Variants in SLC2A9 observed in about 807,000 individuals in gnomAD.
SLC2A9 encodes the protein solute carrier family 2 member 9.
Under a neutral mutation model 50.6 loss-of-function variants are expected in SLC2A9, and 39 were observed. That is an observed-to-expected ratio of 0.77 (90% CI 0.60 to 1.01). SLC2A9 has a LOEUF of 1.01. Among genes scored for constraint, SLC2A9 ranks in the 50% least tolerant of loss-of-function variants. The probability of loss-of-function intolerance (pLI) is 0.00; values close to 1 mark genes in which losing one functional copy is unlikely to be tolerated. For missense variants in SLC2A9, 686 were observed against 677.6 expected (o/e 1.01, Z -0.14); for synonymous variants, 324 against 276.9 (o/e 1.17, Z -1.69).
intron 5 of SLC2A9, among the ~76,000 whole-genome samples, chr4:9,963,789 C>T (rs1752653122): frequency 6.6e-6 from 1 of 152,128 alleles, no homozygotes; most frequent in African/African-American, 2.4e-5. Flanking sequence ...ACAGTGGGAT[C>T]CTCTACCTTT....
At chr4:9,777,544 A>C (rs1296437264), downstream of SLC2A9, among the ~76,000 whole-genome samples, 2 of 25,734 alleles carry the variant, frequency 7.8e-5, no homozygotes, top group South Asian at 1.4e-3. Context: ...ATCTGAAAAC[A>C]AATGTCAGTG....
upstream of SLC2A9, among the ~76,000 whole-genome samples, chr4:10,022,701 T>G (rs551641568): frequency 8.5e-5 from 13 of 152,218 alleles, no homozygotes; most frequent in Admixed American, 7.2e-4. Flanking sequence ...CAAAGTACGT[T>G]TAGTAAAAAG....
At chr4:9,821,325 A>G (rs537132299), downstream of SLC2A9, among the ~76,000 whole-genome samples, 2 of 152,344 alleles carry the variant, frequency 1.3e-5, no homozygotes, top group East Asian at 3.9e-4. Context: ...ACTTGCTAAT[A>G]TTTGATAAGG....
rs565191173 is a variant in SLC2A9 at position 9,900,147 on chromosome 4, C to T, written c.1113+8088G>A. Among the ~76,000 whole-genome samples, 18 of 152,306 alleles carry T rather than the reference C, an allele frequency of 1.2e-4. No homozygotes were observed. In the South Asian group the frequency reaches 3.3e-3, roughly 28 times the overall value. On this transcript the variant is annotated intron_variant, in intron 8 of 11. Transcript: ENST00000264784. ...GTCAGGGCTTCCATAGCAGGAGCAT[C>T]GAGTTGGCAGAGGGCAGTGGGCAGT...
intron 3 of SLC2A9, among the ~76,000 whole-genome samples, chr4:9,792,347 T>G (rs1227262828): frequency 1.3e-5 from 2 of 150,842 alleles, no homozygotes; most frequent in African/African-American, 2.4e-5. Context: ...TGGATAGTTT[T>G]TTTTTTTTTT....
At chr4:10,019,792 G>T (rs963295004) in intron 1 of SLC2A9, among the ~76,000 whole-genome samples, 3 of 152,282 alleles carry the variant, frequency 2.0e-5, no homozygotes, top group Admixed American at 2.0e-4. Context: ...AGAGATGCAA[G>T]GTTTGGCACA....
At chr4:9,782,454 T>C in intron 3 of SLC2A9, 1 of 1,613,960 alleles carries the variant, frequency 6.2e-7, no homozygotes, top group South Asian at 1.1e-5. Flanking sequence ...TACTGGGCCA[T>C]CTCCAGGCCC....
chr4:9,850,765 C>G (rs1577524791), intron 10 of SLC2A9, among the ~76,000 whole-genome samples: 1 of 152,230 alleles, frequency 6.6e-6, no homozygotes, highest in East Asian at 1.9e-4. Context: ...GACCTTGCCT[C>G]CCTCTCTTCC....
chr4:9,991,420 G>A (rs761745397), intron 3 of SLC2A9, among the ~76,000 whole-genome samples: 3 of 152,068 alleles, frequency 2.0e-5, no homozygotes, highest in Non-Finnish European at 2.9e-5. Context: ...AACCTCGCTC[G>A]GGCCAAGGAG....
chr4:10,016,125 A>G (rs2109493794), intron 2 of SLC2A9, among the ~76,000 whole-genome samples: 1 of 152,370 alleles, frequency 6.6e-6, no homozygotes, highest in Middle Eastern at 3.4e-3. Context: ...GCGCCTTGTG[A>G]TGTCTCAAGA....
chr4:9,925,790 G>C (rs1479346274), intron 6 of SLC2A9, among the ~76,000 whole-genome samples: 2 of 152,148 alleles, frequency 1.3e-5, no homozygotes, highest in East Asian at 3.9e-4. Context: ...ACACAGAAGC[G>C]GGGGAGGGCT....
chr4:10,018,340 T>C (rs1312744603), intron 2 of SLC2A9, among the ~76,000 whole-genome samples: 1 of 152,032 alleles, frequency 6.6e-6, no homozygotes, highest in Admixed American at 6.6e-5. Context: ...AGGCTGGGAG[T>C]TCCAGACCAG....
intron 3 of SLC2A9, chr4:9,782,021 C>T (rs1164062167): frequency 5.5e-6 from 8 of 1,455,616 alleles, no homozygotes; most frequent in South Asian, 4.3e-5. Flanking sequence ...CCCTGCAGTC[C>T]AGCCCGAAAT....
At chr4:9,862,593 C>A (rs1314104143) in intron 10 of SLC2A9, among the ~76,000 whole-genome samples, 1 of 151,988 alleles carries the variant, frequency 6.6e-6, no homozygotes, top group Non-Finnish European at 1.5e-5. Flanking sequence ...TGCAGCCTTT[C>A]CTGAGCCTTC....
upstream of SLC2A9, among the ~76,000 whole-genome samples, chr4:10,023,858 G>C (rs1449888914): frequency 1.3e-5 from 2 of 152,210 alleles, no homozygotes; most frequent in Non-Finnish European, 2.9e-5. Context: ...GCGAGGGCTG[G>C]TTCCCCATTC....
At chr4:9,778,824 C>A (rs373392791), downstream of SLC2A9, among the ~76,000 whole-genome samples, 9 of 151,648 alleles carry the variant, frequency 5.9e-5, no homozygotes, top group African/African-American at 1.7e-4. Context: ...TTCTTTCTTT[C>A]TTTTCTTCTT....
chr4:9,877,387 C>G (rs1003695398), intron 10 of SLC2A9, among the ~76,000 whole-genome samples: 1 of 152,204 alleles, frequency 6.6e-6, no homozygotes, highest in African/African-American at 2.4e-5. Flanking sequence ...GTAGTGCCTG[C>G]CCCCCTGGCA....
At chr4:9,872,834 T>C (rs1224546572) in intron 10 of SLC2A9, among the ~76,000 whole-genome samples, 1 of 152,218 alleles carries the variant, frequency 6.6e-6, no homozygotes, top group African/African-American at 2.4e-5. Context: ...ATGTACATTG[T>C]TCATAAATAG....
intron 10 of SLC2A9, among the ~76,000 whole-genome samples, chr4:9,880,694 C>T (rs972843143): frequency 6.6e-6 from 1 of 152,172 alleles, no homozygotes; most frequent in African/African-American, 2.4e-5. Flanking sequence ...TGACATTTAC[C>T]GTTTCTTCTG....
Sources: gnomAD v4.1 joint callset for allele counts (sites outside exome capture counted in the v4.1 genomes callset) on GRCh38, gnomAD v4.1.1 for gene constraint, MANE v1.5 for transcripts, NCBI Gene and HGNC (gene_info 2026-07-23, HGNC 2026-07-21) for gene names.